Variants in CACNA1H observed in about 807,000 individuals in gnomAD.
The protein encoded by CACNA1H is voltage-dependent T-type calcium channel subunit alpha-1H.
CACNA1H carries 149 observed loss-of-function variants against 192.5 expected under a neutral mutation model. The observed-to-expected ratio is 0.77, with a 90% confidence interval of 0.68 to 0.89. The LOEUF (loss-of-function observed/expected upper bound fraction) is 0.89, where lower values mean the gene tolerates loss of function less well. CACNA1H is among the 40% of genes least tolerant of loss of function. CACNA1H has a pLI of 0.00. For synonymous variants in CACNA1H, 2,202 were observed against 1,475.2 expected, an observed-to-expected ratio of 1.49 and a Z score of -11.29; for missense variants, 4,257 against 3,423.5, an observed-to-expected ratio of 1.24 and a Z score of -6.08.
chr16:1,169,633 C>G (rs1254142443), intron 2 of CACNA1H, among the ~76,000 whole-genome samples: 2 of 152,260 alleles, frequency 1.3e-5, no homozygotes, highest in Non-Finnish European at 2.9e-5. Flanking sequence ...GCTCCCGGTG[C>G]TTCCCTCGGA....
intron 2 of CACNA1H, among the ~76,000 whole-genome samples, chr16:1,189,618 C>T (rs1966411306): frequency 6.6e-6 from 1 of 151,820 alleles, no homozygotes; most frequent in South Asian, 2.1e-4. Context: ...AATGGGGTCT[C>T]ACTGTGTTGC....
intron 2 of CACNA1H, among the ~76,000 whole-genome samples, chr16:1,178,901 G>A (rs536589113): frequency 6.6e-5 from 10 of 152,320 alleles, no homozygotes; most frequent in Admixed American, 6.5e-5. Context: ...GGGTGGCCCC[G>A]CGCCCTTGCC....
In CACNA1H at chr16:1,202,195, T is replaced by C. The variant is rs1348476527; in HGVS notation, c.1745T>C (p.Ile582Thr). ...AGCATCTACCATGCCGACTGCCACA[T>C]AGAGGGGCCGCAGGAGAGGGCCCGG... Reference protein sequence around the residue: ...VHSIYHADCHIEGPQERARVA... With the variant: ...VHSIYHADCHTEGPQERARVA... Residue 582 changes from isoleucine (I) to threonine (T), a missense_variant, in exon 9 of 35, where the codon ATA becomes ACA. Ile to Thr is a moderately conservative substitution (Grantham distance 89, BLOSUM62 -1). Transcript: ENST00000348261. 3.2e-6 allele frequency: 5 copies of C among 1,552,818 alleles called. No homozygotes were observed. The highest frequency in any genetic ancestry group is 4.4e-6 in the Non-Finnish European group (5 of 1,149,246).
chr16:1,208,457 A>C (rs1274238227), intron 16 of CACNA1H, among the ~76,000 whole-genome samples: 1 of 152,200 alleles, frequency 6.6e-6, no homozygotes, highest in Non-Finnish European at 1.5e-5. Context: ...ACAGTCTAGC[A>C]GAGTGCACAG....
intron 31 of CACNA1H, 52 bp from the exon 32 acceptor site, chr16:1,217,867 G>T: frequency 6.5e-7 from 1 of 1,538,116 alleles, no homozygotes; most frequent in Non-Finnish European, 8.8e-7. Flanking sequence ...TGCATGTCCC[G>T]CCTCCACCCG....
At chr16:1,174,172 G>T (rs1215356226) in intron 2 of CACNA1H, among the ~76,000 whole-genome samples, 5 of 152,176 alleles carry the variant, frequency 3.3e-5, no homozygotes, top group Non-Finnish European at 1.5e-5. Flanking sequence ...AGTCTCCAAG[G>T]AAGGGCAGAG....
Position 1,206,196 on chromosome 16 carries a change from C to T in CACNA1H, c.2696C>T (p.Pro899Leu), listed in dbSNP as rs1443178827. The T allele has an allele frequency of 2.5e-6, 4 of 1,593,764 alleles. No homozygotes were observed. The highest frequency in any genetic ancestry group is 3.4e-6 in the Non-Finnish European group (4 of 1,171,292). ...GTGCTGAAGCTGGTGCGCTTTCTGC[C>T]AGCCCTGCGGCGCCAGCTCGTGGTG... ...LRVLKLVRFLPALRRQLVVLV... is the reference protein window; with the variant it reads ...LRVLKLVRFLLALRRQLVVLV... The change falls in exon 12 of 35, where the codon CCA becomes CTA. Residue 899 changes from proline to leucine, a missense_variant. Transcript: ENST00000348261.
intron 6 of CACNA1H, 181 bp downstream of exon 6, chr16:1,198,955 A>G (rs561283210): frequency 4.3e-5 from 17 of 394,256 alleles, no homozygotes; most frequent in South Asian, 3.9e-4. Flanking sequence ...ACCCCCCATC[A>G]TGGCTCCGCC....
At position 1,210,618 on chromosome 16, in the gene CACNA1H, C is replaced by T. The variant is rs1196975977; in HGVS notation, c.4005C>T (p.Phe1335=). 3.7e-6 allele frequency: 6 copies of T among 1,607,100 alleles called. No homozygotes were observed. In the African/African-American group the frequency reaches 4.0e-5, roughly 11 times the overall value. The stretch of plus-strand genomic sequence containing the variant: ...TCCTCAGCGTCTCCAATTACATCTT[C>T]ACGGCCATCTTCGTGGCGGAGATGA... ...RVFLSVSNYI[F]TAIFVAEMMV... Residue 1335 remains phenylalanine (F), a synonymous_variant, in exon 20 of 35, where the codon TTC becomes TTT. Transcript: ENST00000348261.
At chr16:1,170,557 G>T (rs1048282781) in intron 2 of CACNA1H, among the ~76,000 whole-genome samples, 4 of 152,196 alleles carry the variant, frequency 2.6e-5, no homozygotes, top group Non-Finnish European at 5.9e-5. Flanking sequence ...CGTCAGCCTT[G>T]GGATTTTGGG....
At chr16:1,162,639 T>TGGGG (rs36082375) in intron 2 of CACNA1H, among the ~76,000 whole-genome samples, 21 of 93,186 alleles carry the variant, frequency 2.3e-4, no homozygotes, top group African/African-American at 8.7e-4. Flanking sequence ...ACACCTGGAG[T>TGGGG]GGGGGGGGGG....
intron 2 of CACNA1H, among the ~76,000 whole-genome samples, chr16:1,169,510 C>T (rs1017642953): frequency 3.3e-5 from 5 of 152,228 alleles, no homozygotes; most frequent in East Asian, 1.9e-4. Flanking sequence ...GGGCACAGCG[C>T]GTGTCTCGGG....
In CACNA1H at chr16:1,198,801, C is replaced by T. The variant is rs780801354; in HGVS notation, c.803+27C>T. 2.5e-6 allele frequency: 4 copies of T among 1,593,756 alleles called. No individual in the cohort carries two copies. The African/African-American group carries it at 4.0e-5, about 16-fold the overall frequency. ...TGCCCAGGCCCCACCCCCGTGAGGC[C>T]CCTGCCCAGATGGCCCTGCCCACCA... On this transcript the variant is annotated intron_variant, in intron 6 of 34. Coordinates refer to ENST00000348261, the MANE Select transcript of CACNA1H (RefSeq NM_021098.3).
At chr16:1,177,513 C>G (rs1447038952) in intron 2 of CACNA1H, among the ~76,000 whole-genome samples, 3 of 152,142 alleles carry the variant, frequency 2.0e-5, no homozygotes, top group African/African-American at 7.2e-5. Context: ...CTGACCGGGG[C>G]AGAGAGTGGA....
intron 2 of CACNA1H, among the ~76,000 whole-genome samples, chr16:1,155,376 G>A (rs895090849): frequency 1.3e-5 from 2 of 152,208 alleles, no homozygotes; most frequent in Non-Finnish European, 2.9e-5. Context: ...CTTGAAGAGC[G>A]GTTGTAGGTT....
At chr16:1,160,170 C>T (rs571799906) in intron 2 of CACNA1H, 5 of 152,342 alleles carry the variant, frequency 3.3e-5, no homozygotes, top group Admixed American at 2.0e-4. Context: ...TCCGTCCAGC[C>T]GCCTGTGCCG....
rs756668817 is a variant in CACNA1H, at chr16:1,204,162, A to AGTGGAGACTCAGATGGCC, written c.2160_2177dup (p.Asp721_Gly726dup). The AGTGGAGACTCAGATGGCC allele has an allele frequency of 6.2e-7, 1 of 1,612,366 alleles. No homozygotes were observed. The highest frequency in any genetic ancestry group is 1.7e-5 in the Admixed American group (1 of 59,998). On this transcript the variant is annotated inframe_insertion, in exon 10 of 35. Transcript: ENST00000348261. The stretch of plus-strand genomic sequence containing the variant: ...GGAGGGTGAGCTCAGCGGCTCGGAA[A>AGTGGAGACTCAGATGGCC]GTGGAGACTCAGATGGCCGTGGCGT...
At chr16:1,198,003 C>T (rs1358961927) in intron 5 of CACNA1H, among the ~76,000 whole-genome samples, 1 of 152,158 alleles carries the variant, frequency 6.6e-6, no homozygotes, top group African/African-American at 2.4e-5. Context: ...TCCTCCCCAC[C>T]GCCTCCAGCA....
intron 2 of CACNA1H, among the ~76,000 whole-genome samples, chr16:1,165,966 T>C (rs1245021786): frequency 6.6e-6 from 1 of 151,442 alleles, no homozygotes; most frequent in Non-Finnish European, 1.5e-5. Context: ...CGTGCATCTT[T>C]TAATTGTGGT....
Sources: allele counts gnomAD v4.1 joint callset (sites outside exome capture counted in the v4.1 genomes callset), GRCh38; gene constraint gnomAD v4.1.1; transcripts MANE v1.5; gene names NCBI Gene and HGNC (gene_info 2026-07-23, HGNC 2026-07-21).